The following SPECC1 variants were observed in gnomAD, a reference collection of about 807,000 sequenced individuals.
The protein encoded by SPECC1 is cytospin-B.
SPECC1 carries 62 observed loss-of-function variants against 104.1 expected under a neutral mutation model. The ratio of observed to expected loss-of-function variants is 0.60; its 90% CI spans 0.49 to 0.74. The LOEUF (loss-of-function observed/expected upper bound fraction) is 0.74, where lower values mean the gene tolerates loss of function less well. Ranked by LOEUF, SPECC1 falls within the 30% of genes least tolerant of loss-of-function variation. The probability of loss-of-function intolerance (pLI) is 0.00; values close to 1 mark genes in which losing one functional copy is unlikely to be tolerated. For synonymous variants in SPECC1, 513 were observed against 501.6 expected (o/e 1.02, Z -0.30); for missense variants, 1,306 against 1,310.5 (o/e 1.00, Z 0.05).
rs184841292 is a variant in SPECC1, at chr17:20,041,143, T to C, written c.-22+31719T>C. On this transcript the variant is annotated intron_variant, in intron 1 of 14. Coordinates refer to ENST00000395527, the MANE Select transcript of SPECC1 (RefSeq NM_001243439.2). ...TAATTTCTATTATTTTCTGTTGAAG[T>C]TCACTGATTATTTTGTCTGCCCCCT... Among the ~76,000 whole-genome samples, 3 of 152,298 alleles carry C rather than the reference T, an allele frequency of 2.0e-5. No individual in the cohort carries two copies. In the East Asian group the frequency reaches 5.8e-4, roughly 29 times the overall value.
intron 1 of SPECC1, among the ~76,000 whole-genome samples, chr17:20,085,906 G>A (rs957235137): frequency 6.6e-6 from 1 of 152,246 alleles, no homozygotes; most frequent in South Asian, 2.1e-4. Flanking sequence ...GGGCCATGCG[G>A]CGATGATCCA....
chr17:20,134,796 C>T (rs2049837848), intron 3 of SPECC1, among the ~76,000 whole-genome samples: 1 of 152,038 alleles, frequency 6.6e-6, no homozygotes, highest in African/African-American at 2.4e-5. Flanking sequence ...AAATGCTGTC[C>T]CTGCAGGTAA....
At chr17:20,083,979 A>T (rs1049731523) in intron 1 of SPECC1, among the ~76,000 whole-genome samples, 1 of 152,210 alleles carries the variant, frequency 6.6e-6, no homozygotes, top group African/African-American at 2.4e-5. Flanking sequence ...TTTCTTAATG[A>T]CTAATGATGT....
Position 20,289,891 on chromosome 17 carries a change from C to G in SPECC1, c.2941-7070C>G, listed in dbSNP as rs879434202. On this transcript the variant is annotated intron_variant, in intron 12 of 14. Coordinates refer to ENST00000395527, the MANE Select transcript of SPECC1 (RefSeq NM_001243439.2). ...GTTGGGTGGCCTCTACCTCTGCCAA[C>G]GTCAGCAATAAAAAGTCTGAGGCAG... is the stretch of plus-strand genomic sequence containing the variant. 1.2e-4 allele frequency among the ~76,000 whole-genome samples: 19 copies of G among 152,188 alleles called. 1 individual carries two copies. Among genetic ancestry groups the G allele is most frequent in the Non-Finnish European group, 7.3e-5 (5 of 68,036 alleles).
chr17:20,291,291 A>G (rs916982315), intron 12 of SPECC1, among the ~76,000 whole-genome samples: 1 of 152,234 alleles, frequency 6.6e-6, no homozygotes, highest in South Asian at 2.1e-4. Context: ...TGTCGAAGAC[A>G]TGAATTGAGC....
At chr17:20,264,897 GT>G (rs1370751116) in intron 12 of SPECC1, among the ~76,000 whole-genome samples, 1 of 152,138 alleles carries the variant, frequency 6.6e-6, no homozygotes, top group Non-Finnish European at 1.5e-5. Context: ...TCCTGCGTTA[GT>G]TTGCTTAGAA....
At chr17:20,147,959 T>G (rs949562914) in intron 3 of SPECC1, among the ~76,000 whole-genome samples, 3 of 152,064 alleles carry the variant, frequency 2.0e-5, no homozygotes, top group Non-Finnish European at 4.4e-5. Context: ...GGAGGATCAT[T>G]TGAGCCCAGG....
chr17:20,073,474 G>A (rs1330292998), intron 1 of SPECC1: 2 of 152,070 alleles, frequency 1.3e-5, no homozygotes, highest in African/African-American at 4.8e-5. Flanking sequence ...AGAAAGAGAA[G>A]AGAGAGAGAG....
At chr17:20,313,697 T>G (rs929143988) in intron 14 of SPECC1, among the ~76,000 whole-genome samples, 3 of 152,394 alleles carry the variant, frequency 2.0e-5, no homozygotes, top group Non-Finnish European at 4.4e-5. Flanking sequence ...GATTTTTGCT[T>G]TTTAAAACTT....
At chr17:20,127,624 G>A (rs574753930) in intron 3 of SPECC1, among the ~76,000 whole-genome samples, 18 of 152,162 alleles carry the variant, frequency 1.2e-4, no homozygotes, top group African/African-American at 2.9e-4. Context: ...TATCATTTAC[G>A]CTCTGTCGAA....
At chr17:20,302,097 T>C (rs1410007905) in intron 13 of SPECC1, among the ~76,000 whole-genome samples, 1 of 152,250 alleles carries the variant, frequency 6.6e-6, no homozygotes, top group Non-Finnish European at 1.5e-5. Flanking sequence ...ACTCAGGTAG[T>C]GGACTGGACC....
chr17:20,214,215 C>T (rs1320299865), intron 4 of SPECC1, among the ~76,000 whole-genome samples: 3 of 152,210 alleles, frequency 2.0e-5, no homozygotes, highest in African/African-American at 7.2e-5. Context: ...GGATACAAAT[C>T]CTTTACCAGA....
chr17:20,170,472 T>G (rs2034003112), intron 3 of SPECC1, among the ~76,000 whole-genome samples: 1 of 152,132 alleles, frequency 6.6e-6, no homozygotes. Flanking sequence ...GAGTTTTTCC[T>G]CACCCCACAC....
At chr17:20,198,312 G>T (rs1038215852) in intron 3 of SPECC1, among the ~76,000 whole-genome samples, 1 of 152,168 alleles carries the variant, frequency 6.6e-6, no homozygotes, top group African/African-American at 2.4e-5. Context: ...GAAAGGAAAA[G>T]TAGAGAGAGA....
intron 3 of SPECC1, among the ~76,000 whole-genome samples, chr17:20,159,371 T>C (rs1428033917): frequency 6.6e-6 from 1 of 152,192 alleles, no homozygotes; most frequent in East Asian, 1.9e-4. Context: ...TTAAGTTCTT[T>C]CTTGAAAAAG....
Position 20,231,795 on chromosome 17 carries a change from G to C in SPECC1, c.2109G>C (p.Leu703=), listed in dbSNP as rs141573120. The part of the protein sequence containing the change: ...VIKLEEQKSD[L]ERQLKTLTKQ... ...AGCTGGAGGAACAGAAGTCAGACCTGGAGAGGCAGCTGAAGACTCTGACCA... is the reference window on the plus strand; with the variant it reads ...AGCTGGAGGAACAGAAGTCAGACCTCGAGAGGCAGCTGAAGACTCTGACCA... The change falls in exon 6 of 15, where the codon CTG becomes CTC. Residue 703 remains leucine (L), a synonymous_variant. Transcript: ENST00000395527. 17 of 1,613,940 alleles carry C rather than the reference G, an allele frequency of 1.1e-5. No individual in the cohort carries two copies. The African/African-American group carries it at 2.1e-4, about 20-fold the overall frequency.
At chr17:20,036,355 C>T (rs1204475592) in intron 1 of SPECC1, among the ~76,000 whole-genome samples, 5 of 151,992 alleles carry the variant, frequency 3.3e-5, no homozygotes, top group Non-Finnish European at 5.9e-5. Context: ...GTCTCAAACT[C>T]CCGACCTCAA....
rs111515152 is a variant in SPECC1 at position 20,177,583 on chromosome 17, A to G, written c.284-26750A>G. 3.2e-4 allele frequency among the ~76,000 whole-genome samples: 48 copies of G among 152,360 alleles called. 3 individuals are homozygous for G. The highest frequency in any genetic ancestry group is 1.1e-3 in the African/African-American group (47 of 41,590). ...TCTTGAATTCTTTAGTTAACGGCAT[A>G]TCAACATTTCTTCATGTAATTAAAT... On this transcript the variant is annotated intron_variant, in intron 3 of 14. Coordinates refer to ENST00000395527, the MANE Select transcript of SPECC1 (RefSeq NM_001243439.2).
chr17:20,111,968 C>T (rs2152524821), intron 3 of SPECC1: 2 of 790,980 alleles, frequency 2.5e-6, no homozygotes, highest in East Asian at 2.4e-5. Context: ...CAAAGGTGGA[C>T]TGATTGATGA....
Sources: gnomAD v4.1 joint callset for allele counts (sites outside exome capture counted in the v4.1 genomes callset) on GRCh38, gnomAD v4.1.1 for gene constraint, MANE v1.5 for transcripts, NCBI Gene and HGNC (gene_info 2026-07-23, HGNC 2026-07-21) for gene names.